SPOCD1: variants seen among roughly 807,000 people sequenced by gnomAD.
SPOCD1 encodes SPOC domain-containing protein 1.
A neutral mutation model predicts 92.2 loss-of-function variants in SPOCD1; 64 were observed. That is an observed-to-expected ratio of 0.69 (90% CI 0.57 to 0.86). The LOEUF (loss-of-function observed/expected upper bound fraction) is 0.86, where lower values mean the gene tolerates loss of function less well. Among genes scored for constraint, SPOCD1 ranks in the 40% least tolerant of loss-of-function variants. The pLI is 0.00. For missense variants in SPOCD1, 1,360 were observed against 1,543.1 expected (o/e 0.88, Z 1.99); for synonymous variants, 578 against 619.3 (o/e 0.93, Z 0.99).
chr1:31,791,193 G>A lies in SPOCD1; in HGVS notation c.3061C>T (p.Pro1021Ser). Residue 1021 changes from proline (P) to serine (S), a missense_variant, in exon 16 of 16, where the codon CCA (proline) becomes TCA (serine). Physicochemically the swap from Pro to Ser is moderately conservative, Grantham distance 74 (BLOSUM62 -1). Transcript: ENST00000360482. ...LAVLLPKEGL[P>S]DTAGSSPWLG... ...CAGGGGCTGGACCCTGCTGTGTCTG[G>A]AAGCCCTTCCTTGGGGAGCAGCACA... The A allele has an allele frequency of 6.2e-7, 1 of 1,611,144 alleles. No homozygotes were observed. The highest frequency in any genetic ancestry group is 1.1e-5 in the South Asian group (1 of 90,728).
At chr1:31,799,770 T>A (rs1266476416) in intron 6 of SPOCD1, 39 bp downstream of exon 6, 2 of 1,609,348 alleles carry the variant, frequency 1.2e-6, no homozygotes, top group South Asian at 1.1e-5. Context: ...ACCCCAGCAG[T>A]CTCTGGAAGC....
chr1:31,794,490 TTTTTTC>T, intron 10 of SPOCD1: 5 of 273,262 alleles, frequency 1.8e-5, no homozygotes, highest in Admixed American at 6.3e-5. Context: ...CTTTTTCTTT[TTTTTTC>T]TTTTCTTTTT....
intron 2 of SPOCD1, among the ~76,000 whole-genome samples, chr1:31,810,353 A>ATTT (rs1187243882): frequency 1.3e-4 from 11 of 86,652 alleles, no homozygotes; most frequent in Admixed American, 7.5e-4. Flanking sequence ...ATTAGTGTTG[A>ATTT]ATTTTTTTTT....
chr1:31,793,696 C>T (rs1647779047), intron 12 of SPOCD1, 51 bp downstream of exon 12: 1 of 1,611,882 alleles, frequency 6.2e-7, no homozygotes, highest in Non-Finnish European at 8.5e-7. Context: ...AGGTGGTGGC[C>T]TCCCCCTCAA....
At position 31,800,040 on chromosome 1, in the gene SPOCD1, G is replaced by A. The variant is rs1648329398; in HGVS notation, c.1704C>T (p.Pro568=). 2 of 1,611,326 alleles carry A rather than the reference G, an allele frequency of 1.2e-6. No individual in the cohort carries two copies. Among genetic ancestry groups the A allele is most frequent in the South Asian group, 2.2e-5 (2 of 90,920 alleles). ...CCTGGGAACATGCAGGGTCCGAGCT[G>A]GGGTCGCCAAGGGCCAGGGAACCGC... ...PRSGSLALGD[P]SSDPACSQSG... The change falls in exon 5 of 16, where the codon CCC becomes CCT. Residue 568 remains proline (P), a synonymous_variant. Coordinates refer to ENST00000360482, the MANE Select transcript of SPOCD1 (RefSeq NM_144569.7).
Position 31,790,486 on chromosome 1 carries a change from T to C in SPOCD1, c.*117A>G. 1 of 940,474 alleles carries C rather than the reference T, an allele frequency of 1.1e-6. No homozygotes were observed. Among genetic ancestry groups the C allele is most frequent in the Non-Finnish European group, 1.6e-6 (1 of 636,924 alleles). The allele number at this position is 940,474 out of a possible 1,614,324, so 58.3% of individuals were successfully genotyped here. On this transcript the variant is annotated 3_prime_UTR_variant, in exon 16 of 16. Coordinates refer to ENST00000360482, the MANE Select transcript of SPOCD1 (RefSeq NM_144569.7). ...CAGCAAACATTGTCAAACAGGAAGT[T>C]CAAACAGGGCAGGTGGGTAGGGCTG...
At position 31,790,943 on chromosome 1, in the gene SPOCD1, T is replaced by C; in HGVS notation, c.3311A>G (p.Gln1104Arg). 6.4e-7 allele frequency: 1 copy of C among 1,570,540 alleles called. No homozygotes were observed. The highest frequency in any genetic ancestry group is 8.6e-7 in the Non-Finnish European group (1 of 1,160,750). ...GGGCCACTGCCCTCGCCCAGGATGC[T>C]GCCAGTTTTCAGGCTCTGGCCAGAG... ...GRLWPEPENWQHPGRGQWPPE... is the reference protein window; with the variant it reads ...GRLWPEPENWRHPGRGQWPPE... The change falls in exon 16 of 16, where the codon CAG becomes CGG. Residue 1104 changes from glutamine (Q) to arginine (R), a missense_variant. Transcript: ENST00000360482.
Position 31,799,434 on chromosome 1 carries a change from ACAGTGCCCCG to A in SPOCD1, c.1825_1834del (p.Arg609LeufsTer21). ...TAGTACCTCCTGCATGGAACGGACA[ACAGTGCCCCG>A]CACCCCAATATACAGGGATGGCTTC... On this transcript the variant is annotated frameshift_variant, in exon 7 of 16. Coordinates refer to ENST00000360482, the MANE Select transcript of SPOCD1 (RefSeq NM_144569.7). LOFTEE classifies it high-confidence loss of function. The A allele has an allele frequency of 6.2e-7, 1 of 1,611,824 alleles. No homozygotes were observed. Among genetic ancestry groups the A allele is most frequent in the Non-Finnish European group, 8.5e-7 (1 of 1,179,178 alleles).
rs1178173603 is a variant in SPOCD1, at chr1:31,798,892, C to G, written c.1869-291G>C. ...GAAACTCGACTGTCTGACTCACCAG[C>G]CTGTGCCCCGTCTCTGGCTCACGGG... On this transcript the variant is annotated intron_variant, in intron 7 of 15. Coordinates refer to ENST00000360482, the MANE Select transcript of SPOCD1 (RefSeq NM_144569.7). This position sits in a 1 kb window ranked among gnomAD's most constrained non-coding sequence, Gnocchi z 4.1. 1 of 567,716 alleles carries G rather than the reference C, an allele frequency of 1.8e-6. No individual in the cohort carries two copies. Among genetic ancestry groups the G allele is most frequent in the Non-Finnish European group, 3.1e-6 (1 of 321,582 alleles). 35.2% of individuals were successfully genotyped at this position (567,716 alleles called of 1,614,324 possible). A position where few individuals can be genotyped will look rare whatever the true frequency, so the allele number is the denominator to read the frequency against.
At position 31,800,630 on chromosome 1, in the gene SPOCD1, T is replaced by C. The variant is rs1648397130; in HGVS notation, c.1426-13A>G. The C allele has an allele frequency of 6.3e-7, 1 of 1,590,690 alleles. No individual in the cohort carries two copies. On this transcript the variant is annotated splice_polypyrimidine_tract_variant and intron_variant, in intron 3 of 15. Transcript: ENST00000360482. ...GCCCGGAACCCAGCTGCGGGGGAGA[T>C]CGCACTTCAGAAGCAAGCGGGGCCA...
intron 10 of SPOCD1, 144 bp from the exon 11 acceptor site, chr1:31,794,379 GA>G (rs1647848206): frequency 4.1e-6 from 2 of 492,792 alleles, no homozygotes; most frequent in Non-Finnish European, 7.2e-6. Flanking sequence ...AACTCATAAA[GA>G]AAATTTGGAA....
At chr1:31,812,664 A>G (rs1045574739) in intron 2 of SPOCD1, among the ~76,000 whole-genome samples, 3 of 152,222 alleles carry the variant, frequency 2.0e-5, no homozygotes, top group Non-Finnish European at 4.4e-5. Context: ...AATAGAGTCT[A>G]CCTCATAGGC....
chr1:31,793,561 G>T (rs777987593), intron 12 of SPOCD1, 133 bp from the exon 13 acceptor site: 20 of 1,485,140 alleles, frequency 1.3e-5, no homozygotes, highest in Non-Finnish European at 1.7e-5. Flanking sequence ...TTGGCCTTGT[G>T]CAGGGGGCTG....
chr1:31,815,224 C>T lies in SPOCD1; in HGVS notation c.110G>A (p.Gly37Asp), dbSNP rs563906410. Residue 37 changes from glycine to aspartate, a missense_variant, in exon 2 of 16, where the codon GGC becomes GAC. By Grantham distance (94) the Gly-to-Asp change is moderately conservative. Coordinates refer to ENST00000360482, the MANE Select transcript of SPOCD1 (RefSeq NM_144569.7). ...TGCTCCCGGCCCATCTGGTGACAGG[C>T]CTGGCATGGAGCTGGCTCCTTCCAT... ...QNMEGASSMP[G>D]LSPDGPGASS... 2 of 1,607,374 alleles carry T rather than the reference C, an allele frequency of 1.2e-6. No individual in the cohort carries two copies. The highest frequency in any genetic ancestry group is 1.7e-6 in the Non-Finnish European group (2 of 1,174,932).
At chr1:31,793,522 A>G in intron 12 of SPOCD1, 94 bp from the exon 13 acceptor site, 1 of 1,522,786 alleles carries the variant, frequency 6.6e-7, no homozygotes, top group Non-Finnish European at 8.9e-7. Flanking sequence ...CTGTGTCCCT[A>G]CTGTGGGGAC....
chr1:31,799,738 G>GGAC (rs1648301760), intron 6 of SPOCD1, 71 bp downstream of exon 6: 1 of 1,539,922 alleles, frequency 6.5e-7, no homozygotes, highest in African/African-American at 1.4e-5. Context: ...GGGCCCAGGA[G>GGAC]CTGGGCCTGA....
At chr1:31,801,731 T>C in intron 2 of SPOCD1, 26 bp from the exon 3 acceptor site, 1 of 1,609,296 alleles carries the variant, frequency 6.2e-7, no homozygotes, top group Middle Eastern at 1.7e-4. Context: ...GATGCAGAGA[T>C]TAGAATCCAG....
At chr1:31,799,548 C>G in intron 6 of SPOCD1, 63 bp from the exon 7 acceptor site, 2 of 1,431,154 alleles carry the variant, frequency 1.4e-6, no homozygotes, top group Non-Finnish European at 1.9e-6. Context: ...GGGGCTGACT[C>G]AAGGCTGATG....
chr1:31,790,869 C>G lies in SPOCD1; in HGVS notation c.3385G>C (p.Ala1129Pro), dbSNP rs1214422593. 6.4e-7 allele frequency: 1 copy of G among 1,573,712 alleles called. No homozygotes were observed. Among genetic ancestry groups the G allele is most frequent in the East Asian group, 2.3e-5 (1 of 44,022 alleles). ...QSQHPYSVAP[A>P]GHGFGRGQHF... is the part of the protein sequence containing the mutation. ...TGGCCACGGCCAAAGCCATGACCAG[C>G]TGGTGCTACTGAATAGGGATGCTGG... The change falls in exon 16 of 16, where the codon GCT (alanine) becomes CCT (proline). Residue 1129 changes from alanine to proline, a missense_variant. Physicochemically the swap from Ala to Pro is conservative, Grantham distance 27. Around this residue, in one of 3 missense-constraint regions of SPOCD1, gnomAD observed 614 missense variants for 757.8 expected, o/e 0.81. Transcript: ENST00000360482.
Sources: gnomAD v4.1 joint callset for allele counts (sites outside exome capture counted in the v4.1 genomes callset) on GRCh38, gnomAD v4.1.1 for gene constraint, gnomAD v4.1.1 regional missense constraint, Gnocchi (gnomAD v3.1) non-coding constraint, MANE v1.5 for transcripts, NCBI Gene and HGNC (gene_info 2026-07-23, HGNC 2026-07-21) for gene names.